The following ATF6B variants were observed in gnomAD, a reference collection of about 807,000 sequenced individuals.
ATF6B encodes cyclic AMP-dependent transcription factor ATF-6 beta.
ATF6B carries 50 observed loss-of-function variants against 83.5 expected under a neutral mutation model. The ratio of observed to expected loss-of-function variants is 0.60; its 90% CI spans 0.48 to 0.76. The LOEUF is 0.76. ATF6B is among the 30% of genes least tolerant of loss of function. ATF6B has a pLI of 0.00. For synonymous variants in ATF6B, 344 were observed against 362.8 expected (o/e 0.95, Z 0.59); for missense variants, 790 against 893.8 (o/e 0.88, Z 1.48).
rs1457643442 is a variant in ATF6B at position 32,125,269 on chromosome 6, A to G, written c.478+848T>C. Reference sequence around the variant, plus strand: ...TCTTTGCATTCCCAGCATGCTGCTCAGTATCTGGCATGGAGTAGGTGCTTA... The same window carrying G: ...TCTTTGCATTCCCAGCATGCTGCTCGGTATCTGGCATGGAGTAGGTGCTTA... On this transcript the variant is annotated intron_variant, in intron 5 of 17. Coordinates refer to ENST00000375203, the MANE Select transcript of ATF6B (RefSeq NM_004381.5). The surrounding 1 kb of genome is among the most constrained non-coding windows in gnomAD (Gnocchi z 4.1). Among the ~76,000 whole-genome samples, 1 of 152,228 alleles carries G rather than the reference A, an allele frequency of 6.6e-6. No individual in the cohort carries two copies. Among genetic ancestry groups the G allele is most frequent in the Non-Finnish European group, 1.5e-5 (1 of 68,042 alleles).
intron 4 of ATF6B, 118 bp from the exon 5 acceptor site, chr6:32,126,370 A>AT: frequency 1.6e-6 from 2 of 1,278,400 alleles, no homozygotes; most frequent in African/African-American, 3.0e-5. Context: ...GCCATCAATT[A>AT]TTTGACATTC....
Position 32,117,409 on chromosome 6 carries a change from G to C in ATF6B, c.1533-5C>G, listed in dbSNP as rs371390819. The C allele has an allele frequency of 6.2e-7, 1 of 1,613,772 alleles. No individual in the cohort carries two copies. The highest frequency in any genetic ancestry group is 1.3e-5 in the African/African-American group (1 of 74,914). On this transcript the variant is annotated splice_polypyrimidine_tract_variant and splice_region_variant and intron_variant, in intron 13 of 17. Coordinates refer to ENST00000375203, the MANE Select transcript of ATF6B (RefSeq NM_004381.5). The surrounding 1 kb of genome is among the most constrained non-coding windows in gnomAD (Gnocchi z 5.0). The stretch of plus-strand genomic sequence containing the variant: ...CCACTCAACTCGTCAGCAAGCCTGG[G>C]GAAATGGAGGAGCTCAGGACCTCCA...
chr6:32,116,118 G>T lies in ATF6B; in HGVS notation c.1883-150C>A. ...CAGATCCATAGCGGGAGTTAAACAG[G>T]ATGGCAGGGACAGAGTTTGGTGCAG... On this transcript the variant is annotated intron_variant, in intron 17 of 17. Coordinates refer to ENST00000375203, the MANE Select transcript of ATF6B (RefSeq NM_004381.5). The surrounding 1 kb of genome is among the most constrained non-coding windows in gnomAD (Gnocchi z 5.1). The T allele has an allele frequency of 1.5e-6, 1 of 647,454 alleles. No homozygotes were observed. The highest frequency in any genetic ancestry group is 1.8e-5 in the African/African-American group (1 of 54,912). 40.1% of individuals were successfully genotyped at this position (647,454 alleles called of 1,614,324 possible).
In ATF6B at chr6:32,117,080, G is replaced by A; in HGVS notation, c.1642C>T (p.Pro548Ser). The change falls in exon 15 of 18, where the codon CCA (proline) becomes TCA (serine). Residue 548 changes from proline (P) to serine (S), a missense_variant. By Grantham distance (74) the Pro-to-Ser change is moderately conservative (BLOSUM62 -1). This residue lies in a region of ATF6B where 530 missense variants were observed against 632.6 expected (regional missense o/e 0.84). Coordinates refer to ENST00000375203, the MANE Select transcript of ATF6B (RefSeq NM_004381.5). This position sits in a 1 kb window ranked among gnomAD's most constrained non-coding sequence, Gnocchi z 5.0. ...GGTTGGATGGGGACTGCCTTAACTG[G>A]AGGTGACTTCTTCCGTGGCTGAGAC... is the stretch of plus-strand genomic sequence containing the variant. ...QKSQPRKKSP[P>S]VKAVPIQPPG... 1 of 1,614,098 alleles carries A rather than the reference G, an allele frequency of 6.2e-7. No individual in the cohort carries two copies. The highest frequency in any genetic ancestry group is 2.2e-5 in the East Asian group (1 of 44,880).
Position 32,117,544 on chromosome 6 carries a change from G to C in ATF6B, c.1532+43C>G. The C allele has an allele frequency of 6.2e-7, 1 of 1,603,232 alleles. No homozygotes were observed. The highest frequency in any genetic ancestry group is 8.5e-7 in the Non-Finnish European group (1 of 1,172,568). ...AGCCAGGCTGACTGCAGAAGGCCTTGGGAGGCCGGGGGAGCTGGATGCCCC... is the reference window on the plus strand; with the variant it reads ...AGCCAGGCTGACTGCAGAAGGCCTTCGGAGGCCGGGGGAGCTGGATGCCCC... On this transcript the variant is annotated intron_variant, in intron 13 of 17. Transcript: ENST00000375203. This position sits in a 1 kb window ranked among gnomAD's most constrained non-coding sequence, Gnocchi z 5.0.
Position 32,115,824 on chromosome 6 carries a change from T to C in ATF6B, c.2027A>G (p.Asn676Ser). Residue 676 changes from asparagine to serine, a missense_variant, in exon 18 of 18, where the codon AAT (asparagine) becomes AGT (serine). Asn to Ser is a conservative substitution (Grantham distance 46, BLOSUM62 1). This residue lies in a region of ATF6B where 530 missense variants were observed against 632.6 expected (regional missense o/e 0.84). Transcript: ENST00000375203. ...LRKQPSPTPG[N>S]ATGGPLPVSA... ...GACTGGCAAGGGGCCACCTGTGGCA[T>C]TGCCTGGGGTTGGGGATGGCTGTTT... 1 of 1,614,102 alleles carries C rather than the reference T, an allele frequency of 6.2e-7. No individual in the cohort carries two copies. Among genetic ancestry groups the C allele is most frequent in the Non-Finnish European group, 8.5e-7 (1 of 1,179,992 alleles).
chr6:32,117,634 G>A lies in ATF6B; in HGVS notation c.1485C>T (p.Leu495=). ...KELLLRDLDQ[L]FLSSDCRHFN... ...AGTGCCGGCAATCAGAGGAGAGGAA[G>A]AGCTGGTCTAGGTCTCTTAGTAGTA... The change falls in exon 13 of 18, where the codon CTC becomes CTT. Residue 495 remains leucine, a synonymous_variant. Transcript: ENST00000375203. The surrounding 1 kb of genome is among the most constrained non-coding windows in gnomAD (Gnocchi z 5.0). The A allele has an allele frequency of 6.2e-7, 1 of 1,614,222 alleles. No individual in the cohort carries two copies. Among genetic ancestry groups the A allele is most frequent in the Non-Finnish European group, 8.5e-7 (1 of 1,180,038 alleles).
intron 8 of ATF6B, 128 bp from the exon 9 acceptor site, chr6:32,120,085 C>T (rs2127338906): frequency 1.6e-6 from 2 of 1,225,102 alleles, no homozygotes; most frequent in East Asian, 2.7e-5. Context: ...GTCAATGCAG[C>T]CCGCCTCCTT....
Position 32,125,070 on chromosome 6 carries a change from C to T in ATF6B, c.478+1047G>A, listed in dbSNP as rs169495. 3.1e-3 allele frequency among the ~76,000 whole-genome samples: 479 copies of T among 152,156 alleles called. 2 individuals carry two copies. The highest frequency in any genetic ancestry group is 0.01 in the African/African-American group (434 of 41,508). On this transcript the variant is annotated intron_variant, in intron 5 of 17. Transcript: ENST00000375203. This position sits in a 1 kb window ranked among gnomAD's most constrained non-coding sequence, Gnocchi z 4.1. The stretch of plus-strand genomic sequence containing the variant: ...GTCTCAATCTCCTGACCTCGTGATC[C>T]GCCCACCTCGGCCTCCCAAAGTGCT...
At chr6:32,124,871 G>A (rs1485025157) in intron 5 of ATF6B, among the ~76,000 whole-genome samples, 3 of 150,848 alleles carry the variant, frequency 2.0e-5, no homozygotes, top group Non-Finnish European at 4.4e-5. Context: ...TTTTCCAGAC[G>A]GAGTCTTGCT....
intron 5 of ATF6B, among the ~76,000 whole-genome samples, chr6:32,123,282 A>G (rs1018342675): frequency 4.0e-5 from 6 of 150,996 alleles, no homozygotes; most frequent in Non-Finnish European, 7.4e-5. Context: ...ATGTATTATA[A>G]CCCTCACAAA....
rs1161462779 is a variant in ATF6B at position 32,119,954 on chromosome 6, G to T, written c.836C>A (p.Ser279Tyr). 2 of 1,614,018 alleles carry T rather than the reference G, an allele frequency of 1.2e-6. No individual in the cohort carries two copies. Among genetic ancestry groups the T allele is most frequent in the Non-Finnish European group, 8.5e-7 (1 of 1,179,924 alleles). ...LQSLVQPPPVSPVVLIQGAIR... is the reference protein window; with the variant it reads ...LQSLVQPPPVYPVVLIQGAIR... ...AGCACCCTGGATGAGGACAACTGGG[G>T]ACACTGGGGCAAGTGAGCAGAGGTC... Residue 279 changes from serine (S) to tyrosine (Y), a missense_variant, in exon 9 of 18, where the codon TCC becomes TAC. This residue lies in a region of ATF6B where 530 missense variants were observed against 632.6 expected (regional missense o/e 0.84). Coordinates refer to ENST00000375203, the MANE Select transcript of ATF6B (RefSeq NM_004381.5). The surrounding 1 kb of genome is among the most constrained non-coding windows in gnomAD (Gnocchi z 4.9).
chr6:32,117,944 G>T lies in ATF6B; in HGVS notation c.1339C>A (p.Pro447Thr). The T allele has an allele frequency of 6.2e-7, 1 of 1,612,494 alleles. No homozygotes were observed. The part of the protein sequence containing the change: ...RHLLGFSEQE[P>T]VQGVEPLQGS... ...TGGAGAGGTTCAACTCCCTGAACTG[G>T]CTCTTGCTCTGAGAACCCCAGCAAG... The change falls in exon 12 of 18, where the codon CCA (proline) becomes ACA (threonine). Residue 447 changes from proline to threonine, a missense_variant. Transcript: ENST00000375203. The surrounding 1 kb of genome is among the most constrained non-coding windows in gnomAD (Gnocchi z 5.0).
chr6:32,123,201 C>T (rs1418180467), intron 5 of ATF6B, among the ~76,000 whole-genome samples: 1 of 136,470 alleles, frequency 7.3e-6, no homozygotes, highest in Non-Finnish European at 1.5e-5. Flanking sequence ...GCACTCTAGC[C>T]TGGGTGACAG....
chr6:32,115,875 G>T lies in ATF6B; in HGVS notation c.1976C>A (p.Thr659Asn), dbSNP rs1480968768. The T allele has an allele frequency of 6.2e-7, 1 of 1,614,148 alleles. No homozygotes were observed. The highest frequency in any genetic ancestry group is 1.7e-5 in the Admixed American group (1 of 60,032). ...TCGGAGCGAGGGGGGCACTGTGGAG[G>T]TCTTGATGTGAATCACCCTGGTGTC... ...VMDTRVIHIK[T>N]STVPPSLRKQ... The change falls in exon 18 of 18, where the codon ACC (threonine) becomes AAC (asparagine). Residue 659 changes from threonine to asparagine, a missense_variant. This residue lies in a region of ATF6B where 530 missense variants were observed against 632.6 expected (regional missense o/e 0.84). Transcript: ENST00000375203.
At position 32,118,732 on chromosome 6, in the gene ATF6B, G is replaced by C; in HGVS notation, c.1244+43C>G. The C allele has an allele frequency of 6.3e-7, 1 of 1,587,426 alleles. No individual in the cohort carries two copies. Among genetic ancestry groups the C allele is most frequent in the Non-Finnish European group, 8.6e-7 (1 of 1,156,216 alleles). On this transcript the variant is annotated intron_variant, in intron 11 of 17. Coordinates refer to ENST00000375203, the MANE Select transcript of ATF6B (RefSeq NM_004381.5). This position sits in a 1 kb window ranked among gnomAD's most constrained non-coding sequence, Gnocchi z 5.2. The stretch of plus-strand genomic sequence containing the variant: ...GCAGGCAGCTAGGAGGCTGTAACGT[G>C]GGCTCCACCTGGAAGGTTCTAGTGA...
rs1015979561 is a variant in ATF6B, at chr6:32,117,830, G to A, written c.1424+29C>T. On this transcript the variant is annotated intron_variant, in intron 12 of 17. Transcript: ENST00000375203. The surrounding 1 kb of genome is among the most constrained non-coding windows in gnomAD (Gnocchi z 5.0). ...AGAAGACCAACTCATACCCTCAAAC[G>A]AGAGGGGGCCCTCTCTCTCTCTCCT... is the stretch of plus-strand genomic sequence containing the variant. The A allele has an allele frequency of 3.2e-6, 5 of 1,556,394 alleles. No homozygotes were observed. Among genetic ancestry groups the A allele is most frequent in the Admixed American group, 2.0e-5 (1 of 50,174 alleles).
intron 5 of ATF6B, among the ~76,000 whole-genome samples, chr6:32,122,877 G>A (rs904625157): frequency 2.1e-5 from 3 of 145,678 alleles, no homozygotes; most frequent in Non-Finnish European, 3.0e-5. Flanking sequence ...TTCCCTTCCC[G>A]GTCCTCCAGT....
intron 8 of ATF6B, 166 bp from the exon 9 acceptor site, chr6:32,120,123 A>G: frequency 1.1e-6 from 1 of 871,034 alleles, no homozygotes; most frequent in South Asian, 2.0e-5. Flanking sequence ...TTTGAGATGC[A>G]GTCTTGCTCT....
Sources: allele counts gnomAD v4.1 joint callset (sites outside exome capture counted in the v4.1 genomes callset), GRCh38; gene constraint gnomAD v4.1.1; regional missense constraint gnomAD v4.1.1; non-coding constraint Gnocchi (gnomAD v3.1); transcripts MANE v1.5; gene names NCBI Gene and HGNC (gene_info 2026-07-23, HGNC 2026-07-21).